Variants in PLCG2 observed in about 807,000 individuals in gnomAD.
PLCG2 encodes the protein phospholipase C gamma 2, also known as 1-phosphatidylinositol 4,5-bisphosphate phosphodiesterase gamma-2.
Under a neutral mutation model 175.6 loss-of-function variants are expected in PLCG2, and 69 were observed. The observed-to-expected ratio is 0.39, with a 90% confidence interval of 0.32 to 0.48. PLCG2 has a LOEUF of 0.48. Among genes scored for constraint, PLCG2 ranks in the 20% least tolerant of loss-of-function variants. PLCG2 has a pLI of 0.91. For missense variants in PLCG2, 1,798 were observed against 1,650.9 expected (o/e 1.09, Z -1.54); for synonymous variants, 827 against 624.0 (o/e 1.33, Z -4.85).
At chr16:81,792,657 G>A (rs890814298) in intron 2 of PLCG2, among the ~76,000 whole-genome samples, 1 of 152,264 alleles carries the variant, frequency 6.6e-6, no homozygotes, top group East Asian at 1.9e-4. Context: ...TCTTCACATG[G>A]TGGCAGCAAG....
At chr16:81,785,507 T>C (rs1335297902) in intron 1 of PLCG2, among the ~76,000 whole-genome samples, 2 of 152,052 alleles carry the variant, frequency 1.3e-5, no homozygotes, top group Non-Finnish European at 2.9e-5. Flanking sequence ...TTTTTTTTTT[T>C]TTTTTGTTCT....
Position 81,869,247 on chromosome 16 carries a change from C to T in PLCG2, c.513C>T (p.Pro171=), listed in dbSNP as rs2143527121. 1 of 1,613,998 alleles carries T rather than the reference C, an allele frequency of 6.2e-7. No individual in the cohort carries two copies. The highest frequency in any genetic ancestry group is 1.1e-5 in the South Asian group (1 of 91,072). ...ISLRELKTIL[P]LINFKVSSAK... The stretch of plus-strand genomic sequence containing the variant: ...TCCGAGAGTTGAAGACCATCTTGCC[C>T]CTGATCAACTTTAAAGTGAGCAGTG... Residue 171 remains proline (P), a synonymous_variant, in exon 6 of 33, where the codon CCC becomes CCT. Transcript: ENST00000564138.
At chr16:81,861,487 C>G (rs772564452) in intron 5 of PLCG2, among the ~76,000 whole-genome samples, 6 of 152,232 alleles carry the variant, frequency 3.9e-5, no homozygotes, top group Non-Finnish European at 5.9e-5. Flanking sequence ...CAGCCATTAG[C>G]TCACTCCATG....
At chr16:81,890,410 A>AGGTT (rs1174029695) in intron 10 of PLCG2, among the ~76,000 whole-genome samples, 1 of 152,192 alleles carries the variant, frequency 6.6e-6, no homozygotes, top group African/African-American at 2.4e-5. Flanking sequence ...GGCAAGATAG[A>AGGTT]GGTTGGTTAG....
intron 27 of PLCG2, among the ~76,000 whole-genome samples, chr16:81,936,912 A>ACAAT (rs1190537851): frequency 6.6e-6 from 1 of 152,162 alleles, no homozygotes; most frequent in African/African-American, 2.4e-5. Context: ...ACAGAATGGA[A>ACAAT]CAATCATTTA....
chr16:81,881,809 G>GTT (rs34048665), intron 8 of PLCG2, among the ~76,000 whole-genome samples: 4 of 142,864 alleles, frequency 2.8e-5, no homozygotes, highest in African/African-American at 7.7e-5. Flanking sequence ...TCCAGCTATT[G>GTT]TTTTTTTTTT....
At chr16:81,823,028 T>G (rs1904873820) in intron 2 of PLCG2, among the ~76,000 whole-genome samples, 1 of 152,220 alleles carries the variant, frequency 6.6e-6, no homozygotes. Context: ...CTGATAAATG[T>G]GTGTTGCTTT....
intron 21 of PLCG2, 69 bp downstream of exon 21, chr16:81,921,338 C>T (rs535806453): frequency 5.8e-6 from 6 of 1,041,310 alleles, no homozygotes; most frequent in African/African-American, 1.6e-5. Flanking sequence ...CATCTTGTTC[C>T]CATGGCAGTT....
intron 2 of PLCG2, among the ~76,000 whole-genome samples, chr16:81,840,595 A>G (rs61374069): frequency 0.38 from 57,991 of 152,046 alleles, 11,997 homozygotes; most frequent in East Asian, 0.63. Context: ...AGAGTGTACA[A>G]CCTGGGTCCC....
chr16:81,919,521 G>T lies in PLCG2; in HGVS notation c.2092G>T (p.Asp698Tyr), dbSNP rs1400106416. The stretch of plus-strand genomic sequence containing the variant: ...GGTAAAGCATTGTCGCATCAACCGG[G>T]ACGGCCGGCACTTTGTGCTGGGGAC... ...GKVKHCRINR[D>Y]GRHFVLGTSA... Residue 698 changes from aspartate (D) to tyrosine (Y), a missense_variant, in exon 20 of 33, where the codon GAC (aspartate) becomes TAC (tyrosine). Coordinates refer to ENST00000564138, the MANE Select transcript of PLCG2 (RefSeq NM_002661.5). 3 of 1,614,028 alleles carry T rather than the reference G, an allele frequency of 1.9e-6. No homozygotes were observed. The highest frequency in any genetic ancestry group is 2.5e-6 in the Non-Finnish European group (3 of 1,180,030).
chr16:81,868,534 G>C (rs7189843), intron 5 of PLCG2, among the ~76,000 whole-genome samples: 68,573 of 151,948 alleles, frequency 0.45, 16,642 homozygotes, highest in Non-Finnish European at 0.54. Flanking sequence ...GGTAGAGTCA[G>C]TAGGAGTCTT....
At chr16:81,829,610 C>CT (rs1905181090) in intron 2 of PLCG2, among the ~76,000 whole-genome samples, 1 of 152,196 alleles carries the variant, frequency 6.6e-6, no homozygotes, top group African/African-American at 2.4e-5. Context: ...TTTATTTGGA[C>CT]TTTAACAGTT....
chr16:81,806,367 A>C (rs897459861), intron 2 of PLCG2, among the ~76,000 whole-genome samples: 1 of 152,112 alleles, frequency 6.6e-6, no homozygotes, highest in Non-Finnish European at 1.5e-5. Flanking sequence ...TTTCCCACAG[A>C]GACTGAAAAT....
At chr16:81,758,583 C>A (rs1382768484) in intron 2 of PLCG2, among the ~76,000 whole-genome samples, 2 of 152,114 alleles carry the variant, frequency 1.3e-5, no homozygotes, top group Non-Finnish European at 2.9e-5. Context: ...AAACTATTTT[C>A]CACAGCAGCT....
chr16:81,848,501 G>A (rs560829049), intron 2 of PLCG2, among the ~76,000 whole-genome samples: 10 of 152,106 alleles, frequency 6.6e-5, no homozygotes, highest in East Asian at 5.8e-4. Context: ...GTACATGTGC[G>A]TTTGCATTTC....
intron 31 of PLCG2, among the ~76,000 whole-genome samples, chr16:81,954,911 C>T (rs1911506536): frequency 1.3e-5 from 2 of 152,190 alleles, no homozygotes; most frequent in African/African-American, 4.8e-5. Context: ...TGAGGAACCA[C>T]CATACTGTCT....
intron 30 of PLCG2, among the ~76,000 whole-genome samples, chr16:81,944,741 G>A (rs1911083276): frequency 6.6e-6 from 1 of 152,148 alleles, no homozygotes; most frequent in South Asian, 2.1e-4. Flanking sequence ...CTCCCCAAGT[G>A]CTAGGATTAC....
rs140604704 is a variant in PLCG2 at position 81,798,555 on chromosome 16, G to A, written c.193+12373G>A. 9.6e-3 allele frequency: 1,461 copies of A among 152,404 alleles called. 12 individuals carry two copies. Among genetic ancestry groups the A allele is most frequent in the South Asian group, 0.026 (126 of 4,822 alleles). The allele number at this position is 152,404 out of a possible 1,614,324, so 9.4% of individuals were successfully genotyped here. On this transcript the variant is annotated intron_variant, in intron 2 of 32. Coordinates refer to ENST00000564138, the MANE Select transcript of PLCG2 (RefSeq NM_002661.5). ...GATGATACCACATCACAGCCTGGGG[G>A]CCACTCCACTGTCACAGGGCTGTTG...
At chr16:81,882,622 C>A (rs547580826) in intron 8 of PLCG2, among the ~76,000 whole-genome samples, 3 of 152,074 alleles carry the variant, frequency 2.0e-5, no homozygotes, top group East Asian at 3.9e-4. Flanking sequence ...CTCTGGCCTG[C>A]GTTCCCTCGC....
Sources: allele counts gnomAD v4.1 joint callset (sites outside exome capture counted in the v4.1 genomes callset), GRCh38; gene constraint gnomAD v4.1.1; transcripts MANE v1.5; gene names NCBI Gene and HGNC (gene_info 2026-07-23, HGNC 2026-07-21).